The following CCDC68 variants were observed in gnomAD, a reference collection of about 807,000 sequenced individuals.
The protein encoded by CCDC68 is coiled-coil domain-containing protein 68.
A neutral mutation model predicts 47.1 loss-of-function variants in CCDC68; 45 were observed. The observed-to-expected ratio is 0.96, with a 90% CI of 0.75 to 1.23. The LOEUF (loss-of-function observed/expected upper bound fraction) is 1.23, where lower values mean the gene tolerates loss of function less well. CCDC68 is among the 50% of genes most tolerant of loss of function. The probability of loss-of-function intolerance (pLI) is 0.00; values close to 1 mark genes in which losing one functional copy is unlikely to be tolerated. For synonymous variants in CCDC68, 131 were observed against 129.5 expected, an observed-to-expected ratio of 1.01 and a Z score of -0.08; for missense variants, 353 against 373.6, an observed-to-expected ratio of 0.94 and a Z score of 0.45.
At chr18:54,929,946 G>T (rs894992420) in intron 7 of CCDC68, among the ~76,000 whole-genome samples, 7 of 152,098 alleles carry the variant, frequency 4.6e-5, no homozygotes, top group African/African-American at 1.7e-4. Context: ...TTAATCATCT[G>T]ACCCAAGATT....
At position 54,936,868 on chromosome 18, in the gene CCDC68, T is replaced by C; in HGVS notation, c.436A>G (p.Arg146Gly). The stretch of plus-strand genomic sequence containing the variant: ...TGTTTACTGTCCTCCTGCTTCTTTC[T>C]CACTTCTTCAGATTGCGTTTGGTAG... ...ENYQTQSEEV[R>G]KKQEDSKQLL... Residue 146 changes from arginine to glycine, a missense_variant, in exon 6 of 12, where the codon AGA (arginine) becomes GGA (glycine). Transcript: ENST00000591504. 1 of 1,614,160 alleles carries C rather than the reference T, an allele frequency of 6.2e-7. No individual in the cohort carries two copies.
intron 2 of CCDC68, 134 bp from the exon 3 acceptor site, chr18:54,942,937 T>C (rs2044462991): frequency 1.8e-6 from 1 of 543,110 alleles, no homozygotes. Context: ...TTGGTATCTG[T>C]ATATATTCAT....
chr18:54,937,289 A>G, intron 5 of CCDC68: 1 of 210,866 alleles, frequency 4.7e-6, no homozygotes. Flanking sequence ...CAAGCCTTTT[A>G]TCATTAATGT....
At position 54,922,590 on chromosome 18, in the gene CCDC68, C is replaced by T. The variant is rs79383072; in HGVS notation, c.684-3214G>A. Among the ~76,000 whole-genome samples, 59 of 152,200 alleles carry T rather than the reference C, an allele frequency of 3.9e-4. 1 individual carries two copies. Among genetic ancestry groups the T allele is most frequent in the South Asian group, 3.7e-3 (18 of 4,818 alleles). ...AAAACAGGCCAGGCATGGTGGCTCACGTCTGTAATTCAAGCAATCTGGGAG... is the reference window on the plus strand; with the variant it reads ...AAAACAGGCCAGGCATGGTGGCTCATGTCTGTAATTCAAGCAATCTGGGAG... On this transcript the variant is annotated intron_variant, in intron 8 of 11. Coordinates refer to ENST00000591504, the MANE Select transcript of CCDC68 (RefSeq NM_025214.3).
intron 11 of CCDC68, 30 bp downstream of exon 11, chr18:54,907,756 A>G: frequency 8.0e-7 from 1 of 1,250,482 alleles, no homozygotes; most frequent in Non-Finnish European, 1.2e-6. Flanking sequence ...TAGGTTGTGA[A>G]GACAGGGTGG....
intron 2 of CCDC68, 32 bp from the exon 3 acceptor site, chr18:54,942,835 C>A: frequency 8.4e-7 from 1 of 1,189,440 alleles, no homozygotes; most frequent in Non-Finnish European, 1.3e-6. Flanking sequence ...CTAAGCAAAA[C>A]AGACTGTTTT....
At chr18:54,957,962 G>A (rs1321595696) in intron 1 of CCDC68, 1 of 152,022 alleles carries the variant, frequency 6.6e-6, no homozygotes, top group Non-Finnish European at 1.5e-5. Flanking sequence ...CCAAAATTTG[G>A]ATTACAACTC....
intron 7 of CCDC68, among the ~76,000 whole-genome samples, chr18:54,932,470 C>T (rs771672131): frequency 6.6e-6 from 1 of 152,030 alleles, no homozygotes; most frequent in Non-Finnish European, 1.5e-5. Context: ...GAATTACAGG[C>T]GTGAGCCACC....
chr18:54,913,143 G>A (rs1431796827), intron 10 of CCDC68, among the ~76,000 whole-genome samples: 1 of 152,164 alleles, frequency 6.6e-6, no homozygotes, highest in Non-Finnish European at 1.5e-5. Flanking sequence ...ATTTTAAACA[G>A]GCTGCTTAAC....
At position 54,945,424 on chromosome 18, in the gene CCDC68, A is replaced by G. The variant is rs895963194; in HGVS notation, c.-49T>C. ...TAAAATTAATAGAGCTAAAACGCCA[A>G]CCTTGGTCTTTTAGAAGTTCAGAGA... On this transcript the variant is annotated 5_prime_UTR_variant, in exon 2 of 12. Coordinates refer to ENST00000591504, the MANE Select transcript of CCDC68 (RefSeq NM_025214.3). 6.6e-6 allele frequency: 1 copy of G among 152,210 alleles called. No homozygotes were observed. Among genetic ancestry groups the G allele is most frequent in the Non-Finnish European group, 1.5e-5 (1 of 68,034 alleles). 9.4% of individuals were successfully genotyped at this position (152,210 alleles called of 1,614,324 possible). A position where few individuals can be genotyped will look rare whatever the true frequency, so the allele number is the denominator to read the frequency against.
At chr18:54,951,817 G>A (rs371017118) in intron 1 of CCDC68, among the ~76,000 whole-genome samples, 34 of 152,286 alleles carry the variant, frequency 2.2e-4, no homozygotes, top group African/African-American at 5.5e-4. Context: ...AAAAACAAGG[G>A]ATTTGGACTC....
intron 1 of CCDC68, among the ~76,000 whole-genome samples, chr18:54,952,399 G>A (rs1014312760): frequency 3.9e-5 from 6 of 152,102 alleles, no homozygotes; most frequent in African/African-American, 1.4e-4. Context: ...ATTTTAGCTT[G>A]AACATAATTT....
intron 1 of CCDC68, among the ~76,000 whole-genome samples, chr18:54,950,707 CAT>C (rs1295201970): frequency 6.7e-6 from 1 of 149,638 alleles, no homozygotes; most frequent in Non-Finnish European, 1.5e-5. Flanking sequence ...ATTGACAAAA[CAT>C]GTGCCATTTA....
chr18:54,906,984 T>C (rs1914047942), intron 11 of CCDC68, among the ~76,000 whole-genome samples: 1 of 152,208 alleles, frequency 6.6e-6, no homozygotes, highest in African/African-American at 2.4e-5. Flanking sequence ...GTCTGATTTT[T>C]CCACCTCCGG....
chr18:54,957,625 A>ACTCTCTCTCTCTCT (rs773661012), intron 1 of CCDC68, among the ~76,000 whole-genome samples: 10 of 133,476 alleles, frequency 7.5e-5, no homozygotes, highest in Non-Finnish European at 9.6e-5. Flanking sequence ...ACACACACAC[A>ACTCTCTCTCTCTCT]CACTCTCTCT....
chr18:54,926,063 C>A (rs1293618311), intron 8 of CCDC68, among the ~76,000 whole-genome samples: 2 of 152,312 alleles, frequency 1.3e-5, no homozygotes, highest in East Asian at 3.9e-4. Flanking sequence ...CAACCATATG[C>A]TTTGACATGC....
intron 4 of CCDC68, among the ~76,000 whole-genome samples, chr18:54,939,066 T>G (rs1332819435): frequency 6.6e-6 from 1 of 152,218 alleles, no homozygotes; most frequent in Non-Finnish European, 1.5e-5. Context: ...AATCCCAGTT[T>G]GTTTAACAAC....
At chr18:54,950,939 C>T (rs1345052805) in intron 1 of CCDC68, among the ~76,000 whole-genome samples, 7 of 109,802 alleles carry the variant, frequency 6.4e-5, no homozygotes, top group African/African-American at 2.5e-4. Context: ...GACGGAGTCT[C>T]GCTCTGTCGC....
chr18:54,941,211 T>G (rs997476372), intron 3 of CCDC68, 128 bp from the exon 4 acceptor site: 7 of 609,810 alleles, frequency 1.1e-5, no homozygotes, highest in African/African-American at 1.1e-4. Flanking sequence ...TGATCTCAGA[T>G]TTAAATAACT....
Sources: gnomAD v4.1 joint callset for allele counts (sites outside exome capture counted in the v4.1 genomes callset) on GRCh38, gnomAD v4.1.1 for gene constraint, MANE v1.5 for transcripts, NCBI Gene and HGNC (gene_info 2026-07-23, HGNC 2026-07-21) for gene names.